PPARGC1A: variants seen among roughly 807,000 people sequenced by gnomAD.
The protein encoded by PPARGC1A is PPARG coactivator 1 alpha, also known as peroxisome proliferator-activated receptor gamma coactivator 1-alpha.
PPARGC1A carries 25 observed loss-of-function variants against 88.7 expected under a neutral mutation model. The observed-to-expected ratio is 0.28, with a 90% CI of 0.21 to 0.39. PPARGC1A has a LOEUF of 0.39. Among genes scored for constraint, PPARGC1A ranks in the 10% least tolerant of loss-of-function variants. The pLI, the probability that PPARGC1A is intolerant of heterozygous loss-of-function variation, is 1.00. For missense variants in PPARGC1A, 880 were observed against 968.7 expected (o/e 0.91, Z 1.22); for synonymous variants, 363 against 355.6 (o/e 1.02, Z -0.24).
chr4:24,420,484 G>A, the PPARGC1A span, among the ~76,000 whole-genome samples: 1 of 152,132 alleles, frequency 6.6e-6, no homozygotes, highest in South Asian at 2.1e-4. Flanking sequence ...GTGTCTGTCC[G>A]ATCGTATGCC....
the PPARGC1A span, among the ~76,000 whole-genome samples, chr4:24,419,015 T>A: frequency 6.6e-6 from 1 of 152,128 alleles, no homozygotes; most frequent in Non-Finnish European, 1.5e-5. Context: ...GGGACAATAG[T>A]AAGGTGTCTA....
the PPARGC1A span, among the ~76,000 whole-genome samples, chr4:23,985,172 C>A: frequency 6.6e-6 from 1 of 152,112 alleles, no homozygotes; most frequent in Admixed American, 6.6e-5. Context: ...GCCAGCTGTT[C>A]TTCAGTTCTG....
chr4:23,954,988 T>G, the PPARGC1A span, among the ~76,000 whole-genome samples: 3 of 152,016 alleles, frequency 2.0e-5, no homozygotes, highest in African/African-American at 4.8e-5. Context: ...GATGTCAGAG[T>G]GTAGCTAATA....
the PPARGC1A span, among the ~76,000 whole-genome samples, chr4:24,041,318 C>A: frequency 3.3e-5 from 5 of 152,154 alleles, no homozygotes; most frequent in Admixed American, 3.3e-4. Flanking sequence ...TTAGAAAGGG[C>A]TGCATTTCTC....
the PPARGC1A span, among the ~76,000 whole-genome samples, chr4:24,060,085 T>C: frequency 6.6e-6 from 1 of 152,198 alleles, no homozygotes; most frequent in African/African-American, 2.4e-5. Flanking sequence ...AGAGCTATTT[T>C]TCACAGACTC....
At chr4:24,104,396 C>T in the PPARGC1A span, among the ~76,000 whole-genome samples, 5 of 152,152 alleles carry the variant, frequency 3.3e-5, no homozygotes, top group Non-Finnish European at 7.3e-5. Flanking sequence ...ACCTTTCCCC[C>T]ACTTGGGCTC....
chr4:24,075,910 G>A, the PPARGC1A span, among the ~76,000 whole-genome samples: 302 of 152,230 alleles, frequency 2.0e-3, no homozygotes, highest in African/African-American at 7.0e-3. Flanking sequence ...ACCAGGTTCT[G>A]ACCCATGCCA....
At chr4:24,126,260 C>T in the PPARGC1A span, among the ~76,000 whole-genome samples, 1 of 138,712 alleles carries the variant, frequency 7.2e-6, no homozygotes, top group Non-Finnish European at 1.5e-5. Context: ...CTGGCCCTGG[C>T]TTCTCACCAC....
the PPARGC1A span, among the ~76,000 whole-genome samples, chr4:24,307,356 A>G: frequency 6.6e-6 from 1 of 152,256 alleles, no homozygotes; most frequent in Non-Finnish European, 1.5e-5. Flanking sequence ...TAAAATCTAC[A>G]CTGTAATATA....
At chr4:24,164,418 T>A in the PPARGC1A span, among the ~76,000 whole-genome samples, 2 of 152,194 alleles carry the variant, frequency 1.3e-5, no homozygotes. Flanking sequence ...GCCTCTCCTA[T>A]ATCATTTATA....
chr4:24,232,035 C>T, the PPARGC1A span, among the ~76,000 whole-genome samples: 5 of 152,096 alleles, frequency 3.3e-5, no homozygotes, highest in African/African-American at 7.2e-5. Context: ...TCTTCAAATA[C>T]ATAACCTTTC....
the PPARGC1A span, among the ~76,000 whole-genome samples, chr4:24,228,418 CTCTTA>C: frequency 6.6e-6 from 1 of 152,264 alleles, no homozygotes; most frequent in African/African-American, 2.4e-5. Context: ...CAGATCTTCT[CTCTTA>C]TAAGTGAGAG....
At chr4:23,802,591 T>C (rs967143656) in intron 10 of PPARGC1A, among the ~76,000 whole-genome samples, 1 of 148,868 alleles carries the variant, frequency 6.7e-6, no homozygotes, top group Non-Finnish European at 1.5e-5. Context: ...CGCAGAGAAT[T>C]GCTTGAACCC....
At chr4:24,168,794 T>C in the PPARGC1A span, among the ~76,000 whole-genome samples, 2 of 152,216 alleles carry the variant, frequency 1.3e-5, no homozygotes, top group East Asian at 3.9e-4. Flanking sequence ...TATCCATGAG[T>C]CCATACTGAT....
At chr4:24,300,210 C>T in the PPARGC1A span, among the ~76,000 whole-genome samples, 1 of 151,926 alleles carries the variant, frequency 6.6e-6, no homozygotes, top group African/African-American at 2.4e-5. Flanking sequence ...GTTCAATTTG[C>T]CACATTTTTA....
the PPARGC1A span, among the ~76,000 whole-genome samples, chr4:24,443,254 G>GT: frequency 1.3e-3 from 190 of 145,196 alleles, no homozygotes; most frequent in African/African-American, 4.7e-3. Context: ...AAATGTATGG[G>GT]TTTTTTTTTT....
At chr4:24,249,257 A>G in the PPARGC1A span, among the ~76,000 whole-genome samples, 1 of 152,082 alleles carries the variant, frequency 6.6e-6, no homozygotes, top group Non-Finnish European at 1.5e-5. Context: ...ATAGCTATGA[A>G]GTTGCACTCC....
At chr4:24,206,683 A>C in the PPARGC1A span, among the ~76,000 whole-genome samples, 791 of 151,916 alleles carry the variant, frequency 5.2e-3, 4 homozygotes, top group Non-Finnish European at 8.9e-3. Flanking sequence ...TACACACACA[A>C]AAAAATAATA....
At chr4:24,269,418 A>G in the PPARGC1A span, among the ~76,000 whole-genome samples, 3 of 152,150 alleles carry the variant, frequency 2.0e-5, no homozygotes, top group Non-Finnish European at 4.4e-5. Flanking sequence ...GAACTCTAGT[A>G]TTCATGTCAG....
Sources: allele counts gnomAD v4.1 joint callset (sites outside exome capture counted in the v4.1 genomes callset), GRCh38; gene constraint gnomAD v4.1.1; transcripts MANE v1.5; gene names NCBI Gene and HGNC (gene_info 2026-07-23, HGNC 2026-07-21).